MSH3: variants seen among roughly 807,000 people sequenced by gnomAD.
The protein encoded by MSH3 is mutS homolog 3, also known as DNA mismatch repair protein Msh3.
MSH3 carries 106 observed loss-of-function variants against 123.3 expected under a neutral mutation model. The ratio of observed to expected loss-of-function variants is 0.86; its 90% CI spans 0.73 to 1.01. MSH3 has a LOEUF of 1.01. MSH3 is among the 50% of genes least tolerant of loss of function. The pLI is 0.00. For missense variants in MSH3, 1,459 were observed against 1,347.6 expected (o/e 1.08, Z -1.29); for synonymous variants, 515 against 481.4 (o/e 1.07, Z -0.91).
At chr5:80,738,416 A>G (rs554332334) in intron 10 of MSH3, among the ~76,000 whole-genome samples, 7 of 152,324 alleles carry the variant, frequency 4.6e-5, no homozygotes, top group Non-Finnish European at 7.3e-5. Flanking sequence ...GGCATGTGCA[A>G]CATTATAATA....
chr5:80,828,474 A>G (rs1191464113), intron 20 of MSH3, among the ~76,000 whole-genome samples: 1 of 152,200 alleles, frequency 6.6e-6, no homozygotes, highest in Non-Finnish European at 1.5e-5. Flanking sequence ...AAACCACAGC[A>G]TTCTGCCCCT....
At position 80,864,927 on chromosome 5, in the gene MSH3, A is replaced by C. The variant is rs1290471693; in HGVS notation, c.3115A>C (p.Ser1039Arg). 1.9e-6 allele frequency: 3 copies of C among 1,613,972 alleles called. No homozygotes were observed. The highest frequency in any genetic ancestry group is 4.5e-5 in the East Asian group (2 of 44,850). The change falls in exon 22 of 24, where the codon AGC (serine) becomes CGC (arginine). Residue 1039 changes from serine to arginine, a missense_variant. Ser to Arg is a moderately radical substitution (Grantham distance 110). Transcript: ENST00000265081. ...GGGATTCTTGGTCAGTGAGGATGAAAGCAAACTGGATCCAGGTATGAAATA... is the reference window on the plus strand; with the variant it reads ...GGGATTCTTGGTCAGTGAGGATGAACGCAAACTGGATCCAGGTATGAAATA... Reference protein sequence around the residue: ...HMGFLVSEDESKLDPGAAEQV... With the variant: ...HMGFLVSEDERKLDPGAAEQV...
intron 8 of MSH3, among the ~76,000 whole-genome samples, chr5:80,704,121 C>T (rs538960568): frequency 3.3e-5 from 5 of 152,124 alleles, no homozygotes; most frequent in African/African-American, 7.2e-5. Flanking sequence ...TTTTCTGTTC[C>T]GGGGTCTATC....
chr5:80,689,556 C>T (rs1324830413), intron 8 of MSH3, among the ~76,000 whole-genome samples: 2 of 151,884 alleles, frequency 1.3e-5, no homozygotes, highest in Admixed American at 6.6e-5. Flanking sequence ...CCTATTTTAA[C>T]AGGAATAAAG....
chr5:80,720,512 T>C (rs1176279882), intron 8 of MSH3, among the ~76,000 whole-genome samples: 1 of 152,206 alleles, frequency 6.6e-6, no homozygotes, highest in Non-Finnish European at 1.5e-5. Context: ...GTAGTATTTA[T>C]TCAGTTGTGT....
In MSH3 at chr5:80,854,216, C is replaced by T. The variant is rs1745878452; in HGVS notation, c.2900C>T (p.Thr967Ile). The stretch of plus-strand genomic sequence containing the variant: ...ACAGCAGAAATAATCAGAAAAGCAA[C>T]ATCACAGTCCTTGGTTATCTTGGAT... ...TDTAEIIRKA[T>I]SQSLVILDEL... Residue 967 changes from threonine to isoleucine, a missense_variant, in exon 21 of 24, where the codon ACA (threonine) becomes ATA (isoleucine). Physicochemically the swap from Thr to Ile is moderately conservative, Grantham distance 89 (BLOSUM62 -1). Coordinates refer to ENST00000265081, the MANE Select transcript of MSH3 (RefSeq NM_002439.5). The T allele has an allele frequency of 6.2e-7, 1 of 1,613,790 alleles. No homozygotes were observed. Among genetic ancestry groups the T allele is most frequent in the Admixed American group, 1.7e-5 (1 of 59,986 alleles).
At position 80,832,890 on chromosome 5, in the gene MSH3, C is replaced by A. The variant is rs576121221; in HGVS notation, c.2813+19149C>A. On this transcript the variant is annotated intron_variant, in intron 20 of 23. Coordinates refer to ENST00000265081, the MANE Select transcript of MSH3 (RefSeq NM_002439.5). ...TCTTTTCCTAATTGCAGTATTTCTCCCTTATACTAGCATTTTCCTTGCAAA... is the reference window on the plus strand; with the variant it reads ...TCTTTTCCTAATTGCAGTATTTCTCACTTATACTAGCATTTTCCTTGCAAA... 4.6e-5 allele frequency among the ~76,000 whole-genome samples: 7 copies of A among 152,014 alleles called. No homozygotes were observed. In the South Asian group the frequency reaches 1.5e-3, roughly 32 times the overall value.
intron 6 of MSH3, among the ~76,000 whole-genome samples, chr5:80,673,958 T>C (rs1400076111): frequency 6.6e-6 from 1 of 152,190 alleles, no homozygotes; most frequent in Non-Finnish European, 1.5e-5. Context: ...GTATTATTTC[T>C]GTTATGGTTT....
intron 2 of MSH3, among the ~76,000 whole-genome samples, chr5:80,658,052 A>G (rs868082318): frequency 2.9e-4 from 5 of 17,238 alleles, no homozygotes; most frequent in African/African-American, 1.6e-3. Context: ...TTTTTTTTTG[A>G]GATAGGGTCT....
chr5:80,654,908 G>GCAGCGCCCCCAGCGCCCCCAGCGCCCC lies in MSH3; in HGVS notation c.203_204insGCCCCCAGCGCCCCCAGCGCCCCCAGC (p.Pro69_Ala70insProAlaProProAlaProProAlaPro), dbSNP rs60484572. 2,299 of 1,539,114 alleles carry GCAGCGCCCCCAGCGCCCCCAGCGCCCC rather than the reference G, an allele frequency of 1.5e-3. 50 individuals are homozygous for GCAGCGCCCCCAGCGCCCCCAGCGCCCC. In the African/African-American group the frequency reaches 0.03, roughly 20 times the overall value. On this transcript the variant is annotated inframe_insertion, in exon 1 of 24. Transcript: ENST00000265081. ...AGCGGCTGCAGCGGCCGCAGCGGCC[G>GCAGCGCCCCCAGCGCCCCCAGCGCCCC]CAGCGCCCCCAGCGCCCCCAGCTCC...
intron 17 of MSH3, 148 bp downstream of exon 17, chr5:80,778,984 T>C: frequency 1.8e-6 from 1 of 569,606 alleles, no homozygotes. Flanking sequence ...TTATTTCTTT[T>C]TTTTTTTTTT....
At chr5:80,751,568 G>A (rs561467058) in intron 12 of MSH3, among the ~76,000 whole-genome samples, 10 of 152,238 alleles carry the variant, frequency 6.6e-5, no homozygotes, top group African/African-American at 2.2e-4. Flanking sequence ...ACCCTTTGGC[G>A]TTCCTTGGCT....
intron 5 of MSH3, 105 bp from the exon 6 acceptor site, chr5:80,672,636 C>A: frequency 2.1e-6 from 2 of 951,870 alleles, no homozygotes; most frequent in East Asian, 2.4e-5. Context: ...ACGTTGTGGA[C>A]TGATTATTTT....
At chr5:80,813,869 A>G in intron 20 of MSH3, 128 bp downstream of exon 20, 1 of 1,105,862 alleles carries the variant, frequency 9.0e-7, no homozygotes, top group Non-Finnish European at 1.4e-6. Context: ...GCTTAAATAA[A>G]TTATTTCAAG....
intron 20 of MSH3, among the ~76,000 whole-genome samples, chr5:80,849,903 A>G (rs1011055166): frequency 6.6e-6 from 1 of 152,106 alleles, no homozygotes; most frequent in Non-Finnish European, 1.5e-5. Flanking sequence ...TTTCTTTTCT[A>G]TCACACTGTC....
Position 80,792,860 on chromosome 5 carries a change from CA to C in MSH3, c.2655+22del, listed in dbSNP as rs2112026925. The C allele has an allele frequency of 2.0e-6, 3 of 1,495,988 alleles. No individual in the cohort carries two copies. The highest frequency in any genetic ancestry group is 2.8e-6 in the Non-Finnish European group (3 of 1,074,332). The allele number at this position is 1,495,988 out of a possible 1,614,324, so 92.7% of individuals were successfully genotyped here. A position where few individuals can be genotyped will look rare whatever the true frequency, so the allele number is the denominator to read the frequency against. On this transcript the variant is annotated intron_variant, in intron 19 of 23. Transcript: ENST00000265081. ...AGATTTATCAGTAAGTACCTTATGC[CA>C]AAAAATAAGTCGATGATAACATCCC...
At chr5:80,655,672 T>C (rs1643641) in intron 1 of MSH3, 45,405 of 180,646 alleles carry the variant, frequency 0.25, 6,034 homozygotes, top group Middle Eastern at 0.35. Context: ...ATTTTTCAGA[T>C]TGAGGCTGTG....
intron 18 of MSH3, among the ~76,000 whole-genome samples, chr5:80,792,141 T>C (rs960488767): frequency 1.3e-5 from 2 of 152,202 alleles, no homozygotes; most frequent in Admixed American, 1.3e-4. Context: ...TTTTATGTGA[T>C]TTACTTTATT....
rs1345911209 is a variant in MSH3 at position 80,674,979 on chromosome 5, T to C, written c.1028-4T>C. On this transcript the variant is annotated splice_polypyrimidine_tract_variant and splice_region_variant and intron_variant, in intron 6 of 23. Coordinates refer to ENST00000265081, the MANE Select transcript of MSH3 (RefSeq NM_002439.5). ...TATAATTATTTTTCTTTAATTATTA[T>C]TAAATGTGAATCCCCTAATCAAGCT... is the stretch of plus-strand genomic sequence containing the variant. The C allele has an allele frequency of 6.3e-7, 1 of 1,587,400 alleles. No homozygotes were observed. Among genetic ancestry groups the C allele is most frequent in the Admixed American group, 1.7e-5 (1 of 59,752 alleles).
Sources: gnomAD v4.1 joint callset for allele counts (sites outside exome capture counted in the v4.1 genomes callset) on GRCh38, gnomAD v4.1.1 for gene constraint, MANE v1.5 for transcripts, NCBI Gene and HGNC (gene_info 2026-07-23, HGNC 2026-07-21) for gene names.